The following GRID2 variants were observed in gnomAD, a reference collection of about 807,000 sequenced individuals.
The protein encoded by GRID2 is glutamate ionotropic receptor delta type subunit 2, also known as glutamate receptor ionotropic, delta-2.
A neutral mutation model predicts 114.8 loss-of-function variants in GRID2; 33 were observed. The ratio of observed to expected loss-of-function variants is 0.29; its 90% confidence interval spans 0.22 to 0.38. The LOEUF (loss-of-function observed/expected upper bound fraction) is 0.38. Among genes scored for constraint, GRID2 ranks in the 10% least tolerant of loss-of-function variants. The pLI is 1.00. For synonymous variants in GRID2, 505 were observed against 449.9 expected, an observed-to-expected ratio of 1.12 and a Z score of -1.55; for missense variants, 1,184 against 1,257.7, an observed-to-expected ratio of 0.94 and a Z score of 0.89.
chr4:93,738,312 G>T (rs935850708), intron 14 of GRID2, among the ~76,000 whole-genome samples: 3 of 152,066 alleles, frequency 2.0e-5, no homozygotes, highest in Admixed American at 6.6e-5. Flanking sequence ...CCATATAAGG[G>T]TTATGAGCAT....
chr4:93,184,764 C>T (rs181450014), intron 4 of GRID2, among the ~76,000 whole-genome samples: 2 of 152,056 alleles, frequency 1.3e-5, no homozygotes, highest in Non-Finnish European at 2.9e-5. Flanking sequence ...TGCCTGTAAT[C>T]GCAGATACTC....
intron 2 of GRID2, among the ~76,000 whole-genome samples, chr4:92,925,430 G>T (rs1438001282): frequency 6.6e-6 from 1 of 152,018 alleles, no homozygotes; most frequent in Non-Finnish European, 1.5e-5. Context: ...AAGCCCTGAA[G>T]TAATGAAAGC....
chr4:93,657,021 G>T, intron 14 of GRID2, among the ~76,000 whole-genome samples: 1 of 151,706 alleles, frequency 6.6e-6, no homozygotes, highest in Non-Finnish European at 1.5e-5. Context: ...AGAGGGAAAA[G>T]GTGTCAATGT....
At chr4:92,550,974 C>A (rs1726555854) in intron 1 of GRID2, among the ~76,000 whole-genome samples, 1 of 152,014 alleles carries the variant, frequency 6.6e-6, no homozygotes, top group Non-Finnish European at 1.5e-5. Context: ...CAATTAAAAA[C>A]CAGTTTTCTG....
At chr4:93,449,217 G>A (rs1722448167) in intron 10 of GRID2, among the ~76,000 whole-genome samples, 1 of 151,766 alleles carries the variant, frequency 6.6e-6, no homozygotes, top group African/African-American at 2.4e-5. Context: ...AAGTTAGATA[G>A]GCAGAAGTAG....
At chr4:93,310,081 C>T (rs918604688) in intron 8 of GRID2, among the ~76,000 whole-genome samples, 2 of 152,204 alleles carry the variant, frequency 1.3e-5, no homozygotes, top group African/African-American at 2.4e-5. Flanking sequence ...ATACAACAAG[C>T]ATTATCAGTT....
intron 2 of GRID2, among the ~76,000 whole-genome samples, chr4:92,997,134 TGTA>T (rs1409081183): frequency 6.6e-6 from 1 of 152,212 alleles, no homozygotes; most frequent in African/African-American, 2.4e-5. Flanking sequence ...ATAATTGAGA[TGTA>T]GTAGGTGATA....
Position 92,454,727 on chromosome 4 carries a change from T to G in GRID2, c.89-135404T>G, listed in dbSNP as rs533852268. 3.8e-3 allele frequency among the ~76,000 whole-genome samples: 576 copies of G among 152,264 alleles called. 8 individuals carry two copies. The highest frequency in any genetic ancestry group is 0.031 in the Middle Eastern group (9 of 294). On this transcript the variant is annotated intron_variant, in intron 1 of 15. Coordinates refer to ENST00000282020, the MANE Select transcript of GRID2 (RefSeq NM_001510.4). ...GGCAGGCGCCTGTAGTCCCAGCTAT[T>G]CTGGAGGCTGAGGCAGGAGAATGGC...
chr4:93,170,124 C>T (rs1738651358), intron 4 of GRID2, among the ~76,000 whole-genome samples: 1 of 152,102 alleles, frequency 6.6e-6, no homozygotes, highest in African/African-American at 2.4e-5. Context: ...CTCCTGTCAC[C>T]CAGACTGGAG....
intron 1 of GRID2, among the ~76,000 whole-genome samples, chr4:92,332,748 CA>C (rs1440344346): frequency 2.0e-5 from 3 of 152,120 alleles, no homozygotes; most frequent in African/African-American, 7.2e-5. Context: ...AGGGGAGAAG[CA>C]GGCAAGAAGA....
chr4:92,977,580 C>A (rs1753953157), intron 2 of GRID2, among the ~76,000 whole-genome samples: 1 of 152,082 alleles, frequency 6.6e-6, no homozygotes, highest in Non-Finnish European at 1.5e-5. Flanking sequence ...CATACATTAT[C>A]TGATTTGAAT....
chr4:92,465,741 G>T (rs191620466), intron 1 of GRID2, among the ~76,000 whole-genome samples: 1 of 151,976 alleles, frequency 6.6e-6, no homozygotes, highest in Non-Finnish European at 1.5e-5. Flanking sequence ...TAAATTAGGG[G>T]CCATTAGAAT....
chr4:93,266,633 C>T (rs1750863258), intron 8 of GRID2, among the ~76,000 whole-genome samples: 1 of 152,098 alleles, frequency 6.6e-6, no homozygotes, highest in Non-Finnish European at 1.5e-5. Context: ...AGGCTGGTCT[C>T]GAACTCCTGA....
rs953779944 is a variant in GRID2, at chr4:92,399,343, C to T, written c.88+94599C>T. ...AGTCCGAGATTCCTCAAGCAGTTCCCGTCTTCCTTCAGGCCCACTCCTAAT... is the reference window on the plus strand; with the variant it reads ...AGTCCGAGATTCCTCAAGCAGTTCCTGTCTTCCTTCAGGCCCACTCCTAAT... On this transcript the variant is annotated intron_variant, in intron 1 of 15. Transcript: ENST00000282020. 7.2e-5 allele frequency among the ~76,000 whole-genome samples: 11 copies of T among 152,066 alleles called. No homozygotes were observed. In the South Asian group the frequency reaches 8.3e-4, roughly 11 times the overall value.
intron 2 of GRID2, among the ~76,000 whole-genome samples, chr4:92,808,179 G>T (rs1740505884): frequency 6.6e-6 from 1 of 151,936 alleles, no homozygotes; most frequent in Admixed American, 6.6e-5. Context: ...GAGACTGGAA[G>T]AAACCCTCCT....
intron 14 of GRID2, among the ~76,000 whole-genome samples, chr4:93,645,088 C>T (rs796182411): frequency 1.3e-5 from 2 of 152,044 alleles, no homozygotes; most frequent in African/African-American, 4.8e-5. Flanking sequence ...AATGAATGAC[C>T]CAGGCAAAGT....
At chr4:93,377,441 G>A (rs1484869821) in intron 8 of GRID2, among the ~76,000 whole-genome samples, 1 of 152,094 alleles carries the variant, frequency 6.6e-6, no homozygotes, top group African/African-American at 2.4e-5. Context: ...GAGGTTAGGA[G>A]AGCAGGCTCT....
chr4:92,950,259 T>A (rs568081514), intron 2 of GRID2, among the ~76,000 whole-genome samples: 1 of 152,150 alleles, frequency 6.6e-6, no homozygotes, highest in African/African-American at 2.4e-5. Flanking sequence ...GCTCAAAATA[T>A]GTGTTTGGAG....
At chr4:93,445,473 T>A (rs1192702145) in intron 10 of GRID2, among the ~76,000 whole-genome samples, 1 of 152,088 alleles carries the variant, frequency 6.6e-6, no homozygotes, top group Admixed American at 6.6e-5. Flanking sequence ...TTATTTTTCA[T>A]CTTAGTTTTG....
Sources: gnomAD v4.1 joint callset for allele counts (sites outside exome capture counted in the v4.1 genomes callset) on GRCh38, gnomAD v4.1.1 for gene constraint, MANE v1.5 for transcripts, NCBI Gene and HGNC (gene_info 2026-07-23, HGNC 2026-07-21) for gene names.